Variants in NSD2 observed in about 807,000 individuals in gnomAD.
The protein encoded by NSD2 is nuclear receptor binding SET domain protein 2.
In NSD2, 12 loss-of-function variants were observed where a neutral mutation model predicts 139.0. That is an observed-to-expected ratio of 0.09 (90% CI 0.06 to 0.14). NSD2 has a LOEUF of 0.14. NSD2 is among the 10% of genes least tolerant of loss of function. The pLI is 1.00. For synonymous variants in NSD2, 669 were observed against 648.7 expected, an observed-to-expected ratio of 1.03 and a Z score of -0.48; for missense variants, 1,155 against 1,745.0, an observed-to-expected ratio of 0.66 and a Z score of 6.02.
At chr4:1,938,119 G>A (rs1476339780) in intron 7 of NSD2, among the ~76,000 whole-genome samples, 4 of 152,184 alleles carry the variant, frequency 2.6e-5, no homozygotes, top group African/African-American at 9.7e-5. Flanking sequence ...CTCGTATCAG[G>A]TGTCTTAACC....
intron 12 of NSD2, among the ~76,000 whole-genome samples, chr4:1,954,125 C>T (rs569119546): frequency 6.6e-6 from 1 of 152,216 alleles, no homozygotes; most frequent in African/African-American, 2.4e-5. Flanking sequence ...GCTGGGATTA[C>T]AGGCACGTGC....
chr4:1,919,986 A>C (rs1178759506), intron 5 of NSD2, among the ~76,000 whole-genome samples: 1 of 152,132 alleles, frequency 6.6e-6, no homozygotes, highest in African/African-American at 2.4e-5. Context: ...TGAATCTTTA[A>C]CCAGCATGTA....
At chr4:1,940,769 C>T (rs1723007962) in intron 9 of NSD2, 1 of 1,060,242 alleles carries the variant, frequency 9.4e-7, no homozygotes, top group Non-Finnish European at 1.1e-6. Context: ...CCATGGTCCC[C>T]AGGAAGGATG....
intron 5 of NSD2, among the ~76,000 whole-genome samples, chr4:1,928,597 G>A (rs1358964538): frequency 6.6e-6 from 1 of 150,516 alleles, no homozygotes; most frequent in Non-Finnish European, 1.5e-5. Context: ...TGTGGTGGCT[G>A]TCTTGTGAGG....
At position 1,934,728 on chromosome 4, in the gene NSD2, A is replaced by G. The variant is rs188119588; in HGVS notation, c.1556-416A>G. 2.0e-3 allele frequency among the ~76,000 whole-genome samples: 299 copies of G among 146,968 alleles called. 1 individual carries two copies. The highest frequency in any genetic ancestry group is 7.2e-3 in the African/African-American group (289 of 40,054). Reference sequence around the variant, plus strand: ...CTGGGCGTGGTGGCACGTGCCTGTAATCCCAGCTACTCAGGAGGCTGAGGC... The same window carrying G: ...CTGGGCGTGGTGGCACGTGCCTGTAGTCCCAGCTACTCAGGAGGCTGAGGC... On this transcript the variant is annotated intron_variant, in intron 6 of 21. Coordinates refer to ENST00000508803, the MANE Select transcript of NSD2 (RefSeq NM_001042424.3).
chr4:1,978,871 CGGCGGAGGGGCT>C lies in NSD2; in HGVS notation c.4068_4079del (p.Gly1357_Arg1360del), dbSNP rs748635117. ...AGGGAAGCCGAAGGGGAAGAGGCGG[CGGCGGAGGGGCT>C]GGCGGAGAGTCACAGAGGGCAAATA... is the stretch of plus-strand genomic sequence containing the variant. On this transcript the variant is annotated inframe_deletion, in exon 22 of 22. Transcript: ENST00000508803. 5.7e-6 allele frequency: 9 copies of C among 1,590,668 alleles called. No homozygotes were observed. The Admixed American group carries it at 1.0e-4, about 18-fold the overall frequency.
intron 9 of NSD2, chr4:1,944,595 A>G (rs1723429586): frequency 9.4e-7 from 1 of 1,063,944 alleles, no homozygotes; most frequent in African/African-American, 1.6e-5. Flanking sequence ...TTGTCAGAAT[A>G]TATAAAAGCT....
At chr4:1,906,362 C>A (rs1052232719) in intron 3 of NSD2, among the ~76,000 whole-genome samples, 1 of 152,074 alleles carries the variant, frequency 6.6e-6, no homozygotes, top group African/African-American at 2.4e-5. Context: ...TCTCAGCCTC[C>A]TGAGTAGCTG....
intron 19 of NSD2, 120 bp downstream of exon 19, chr4:1,975,124 C>A: frequency 6.6e-7 from 1 of 1,516,090 alleles, no homozygotes; most frequent in South Asian, 1.2e-5. Context: ...GATGTGGAGT[C>A]TCTTTTGGTT....
intron 7 of NSD2, among the ~76,000 whole-genome samples, chr4:1,938,202 GAAGA>G (rs1454284798): frequency 1.3e-5 from 2 of 152,122 alleles, no homozygotes; most frequent in Non-Finnish European, 2.9e-5. Flanking sequence ...CGGGAGGTGC[GAAGA>G]AAGAATCAGT....
intron 5 of NSD2, among the ~76,000 whole-genome samples, chr4:1,921,180 A>G (rs1331372179): frequency 2.0e-5 from 3 of 152,062 alleles, no homozygotes; most frequent in African/African-American, 7.2e-5. Flanking sequence ...TCCTTAGGCC[A>G]GGCATGGTGG....
At chr4:1,904,475 T>C in intron 3 of NSD2, 97 bp downstream of exon 3, 7 of 1,351,310 alleles carry the variant, frequency 5.2e-6, no homozygotes, top group Non-Finnish European at 7.0e-6. Flanking sequence ...ATAGCCCTGC[T>C]ATGGTTCATT....
intron 1 of NSD2, among the ~76,000 whole-genome samples, chr4:1,882,872 C>A (rs9997044): frequency 0.012 from 1,822 of 152,242 alleles, 40 homozygotes; most frequent in African/African-American, 0.042. Context: ...GCCCAACAAT[C>A]TGTGTTCTAA....
chr4:1,881,326 G>T lies in NSD2; in HGVS notation c.-30+9784G>T, dbSNP rs141283529. ...CACACAGGCTGGAGTGCAGTGGCGC[G>T]ATCTCGGCTCACTGCAACCTCCGCC... On this transcript the variant is annotated intron_variant, in intron 1 of 21. Transcript: ENST00000508803. Among the ~76,000 whole-genome samples the T allele has an allele frequency of 8.4e-3, 1,284 of 152,202 alleles. 11 individuals are homozygous for T. The highest frequency in any genetic ancestry group is 0.014 in the South Asian group (66 of 4,808).
At position 1,955,594 on chromosome 4, in the gene NSD2, A is replaced by G. The variant is rs1724732879; in HGVS notation, c.2519-99A>G. The G allele has an allele frequency of 1.0e-5, 14 of 1,406,442 alleles. No individual in the cohort carries two copies. Among genetic ancestry groups the G allele is most frequent in the Middle Eastern group, 2.4e-4 (1 of 4,164 alleles). 87.1% of individuals were successfully genotyped at this position (1,406,442 alleles called of 1,614,324 possible). A position where few individuals can be genotyped will look rare whatever the true frequency, so the allele number is the denominator to read the frequency against. On this transcript the variant is annotated intron_variant, in intron 13 of 21. Transcript: ENST00000508803. This position sits in a 1 kb window ranked among gnomAD's most constrained non-coding sequence, Gnocchi z 4.7. Reference sequence around the variant, plus strand: ...GATCGCTGTTTTAAAACTGATGTTTATAAGTTAAGGCTGTAATAAGTGTAG... The same window carrying G: ...GATCGCTGTTTTAAAACTGATGTTTGTAAGTTAAGGCTGTAATAAGTGTAG...
chr4:1,934,160 A>G (rs1722022069), intron 6 of NSD2, among the ~76,000 whole-genome samples: 1 of 151,078 alleles, frequency 6.6e-6, no homozygotes, highest in Non-Finnish European at 1.5e-5. Flanking sequence ...ATCTCGGCTC[A>G]CTGCAACCTC....
At chr4:1,927,611 C>G (rs745955509) in intron 5 of NSD2, among the ~76,000 whole-genome samples, 2 of 150,052 alleles carry the variant, frequency 1.3e-5, no homozygotes, top group Non-Finnish European at 3.0e-5. Context: ...CCCAGCTACT[C>G]AGGAGGCTAA....
At chr4:1,883,303 C>G (rs1402797103) in intron 1 of NSD2, among the ~76,000 whole-genome samples, 1 of 151,956 alleles carries the variant, frequency 6.6e-6, no homozygotes, top group African/African-American at 2.4e-5. Flanking sequence ...TCAATGAACC[C>G]CACCTTGATA....
chr4:1,883,730 A>G (rs1714876514), intron 1 of NSD2, among the ~76,000 whole-genome samples: 1 of 152,120 alleles, frequency 6.6e-6, no homozygotes, highest in Admixed American at 6.5e-5. Flanking sequence ...GCCCCATGAA[A>G]GCAGGGCTCT....
Sources: gnomAD v4.1 joint callset for allele counts (sites outside exome capture counted in the v4.1 genomes callset) on GRCh38, gnomAD v4.1.1 for gene constraint, Gnocchi (gnomAD v3.1) non-coding constraint, MANE v1.5 for transcripts, NCBI Gene and HGNC (gene_info 2026-07-23, HGNC 2026-07-21) for gene names.